Variants in MAGI2 observed in about 807,000 individuals in gnomAD.
MAGI2 encodes membrane associated guanylate kinase, WW and PDZ domain containing 2.
A neutral mutation model predicts 133.3 loss-of-function variants in MAGI2; 35 were observed. The ratio of observed to expected loss-of-function variants is 0.26; its 90% CI spans 0.20 to 0.35. The LOEUF (loss-of-function observed/expected upper bound fraction) is 0.35, where lower values mean the gene tolerates loss of function less well. Among genes scored for constraint, MAGI2 ranks in the 10% least tolerant of loss-of-function variants. The pLI, the probability that MAGI2 is intolerant of heterozygous loss-of-function variation, is 1.00. For synonymous variants in MAGI2, 729 were observed against 710.6 expected, an observed-to-expected ratio of 1.03 and a Z score of -0.41; for missense variants, 1,636 against 1,863.4, an observed-to-expected ratio of 0.88 and a Z score of 2.25.
At chr7:79,184,086 C>T (rs1826855237) in intron 1 of MAGI2, among the ~76,000 whole-genome samples, 1 of 151,582 alleles carries the variant, frequency 6.6e-6, no homozygotes, top group Non-Finnish European at 1.5e-5. Flanking sequence ...GCAAGGTAAC[C>T]ATTGTCAATA....
At chr7:79,122,570 C>T (rs1264252100) in intron 1 of MAGI2, among the ~76,000 whole-genome samples, 14 of 151,956 alleles carry the variant, frequency 9.2e-5, no homozygotes, top group Non-Finnish European at 1.9e-4. Context: ...TAAATGATTT[C>T]GTTATATCTG....
rs565984284 is a variant in MAGI2 at position 78,290,908 on chromosome 7, A to G, written c.1409-34327T>C. Among the ~76,000 whole-genome samples the G allele has an allele frequency of 6.6e-5, 10 of 152,344 alleles. No homozygotes were observed. The South Asian group carries it at 1.0e-3, about 16-fold the overall frequency. On this transcript the variant is annotated intron_variant, in intron 9 of 21. Coordinates refer to ENST00000354212, the MANE Select transcript of MAGI2 (RefSeq NM_012301.4). ...ACCAATGAGAACAAAGACACAACAT[A>G]CCAGAATCTCTGGGATACATTTAAA... is the stretch of plus-strand genomic sequence containing the variant.
chr7:78,854,412 GGAAAAATTTAGAATTTT>G (rs1793444216), intron 2 of MAGI2, among the ~76,000 whole-genome samples: 1 of 151,902 alleles, frequency 6.6e-6, no homozygotes, highest in Non-Finnish European at 1.5e-5. Flanking sequence ...TAATGAGTAA[GGAAAAATTTAGAATTTT>G]GTGTAAATGA....
At chr7:79,083,221 T>C (rs1187303553) in intron 1 of MAGI2, among the ~76,000 whole-genome samples, 1 of 151,526 alleles carries the variant, frequency 6.6e-6, no homozygotes, top group Non-Finnish European at 1.5e-5. Flanking sequence ...TAATGTAAAA[T>C]AGAAGTGGTA....
chr7:79,391,935 T>C (rs4260838), intron 1 of MAGI2, among the ~76,000 whole-genome samples: 85,893 of 151,780 alleles, frequency 0.57, 27,388 homozygotes, highest in African/African-American at 0.86. Context: ...CTGCCCGCCT[T>C]GGCCTCCTAA....
chr7:78,694,381 G>A (rs559962089), intron 2 of MAGI2, among the ~76,000 whole-genome samples: 16 of 152,184 alleles, frequency 1.1e-4, no homozygotes, highest in African/African-American at 2.9e-4. Context: ...CAGTAGCATC[G>A]CTCTCATGAG....
chr7:78,168,007 G>T lies in MAGI2; in HGVS notation c.2505C>A (p.Gly835=). Residue 835 remains glycine (G), a synonymous_variant, in exon 15 of 22, where the codon GGC becomes GGA. Coordinates refer to ENST00000354212, the MANE Select transcript of MAGI2 (RefSeq NM_012301.4). ...GGTCGATGACATAGCGGTGGGTTTT[G>T]CCGGCTACTGGAATCCCATCAACAT... ...LVYVDGIPVA[G]KTHRYVIDLM... 6.2e-7 allele frequency: 1 copy of T among 1,614,148 alleles called. No homozygotes were observed. The highest frequency in any genetic ancestry group is 8.5e-7 in the Non-Finnish European group (1 of 1,180,026).
chr7:78,668,940 T>C (rs924468327), intron 2 of MAGI2, among the ~76,000 whole-genome samples: 5 of 152,178 alleles, frequency 3.3e-5, no homozygotes, highest in South Asian at 2.1e-4. Flanking sequence ...GGGAAATTTA[T>C]AGCACTAAAT....
intron 2 of MAGI2, among the ~76,000 whole-genome samples, chr7:78,976,597 A>T (rs1327453539): frequency 6.6e-6 from 1 of 151,430 alleles, no homozygotes; most frequent in Non-Finnish European, 1.5e-5. Context: ...TGGAAGTTCT[A>T]TCTAGTGAAA....
In MAGI2 at chr7:78,496,697, C is replaced by T. The variant is rs144330521; in HGVS notation, c.965+4880G>A. Among the ~76,000 whole-genome samples the T allele has an allele frequency of 3.7e-4, 56 of 152,208 alleles. 1 individual carries two copies. The South Asian group carries it at 5.4e-3, about 15-fold the overall frequency. ...GGGAATGTTAATTTGTCCAAGGATG[C>T]CTCAAAGTCTCGTCTATGAAATGTG... On this transcript the variant is annotated intron_variant, in intron 5 of 21. Coordinates refer to ENST00000354212, the MANE Select transcript of MAGI2 (RefSeq NM_012301.4).
At chr7:78,624,960 G>C (rs1229566289) in intron 3 of MAGI2, among the ~76,000 whole-genome samples, 4 of 151,970 alleles carry the variant, frequency 2.6e-5, no homozygotes, top group Non-Finnish European at 5.9e-5. Flanking sequence ...CAGGTCCTTA[G>C]GAGGTATTCC....
In MAGI2 at chr7:78,501,563, T is replaced by C; in HGVS notation, c.965+14A>G. The C allele has an allele frequency of 1.2e-6, 2 of 1,610,784 alleles. No individual in the cohort carries two copies. The highest frequency in any genetic ancestry group is 1.7e-6 in the Non-Finnish European group (2 of 1,177,994). ...ACCTTTTTGGCACTGTTGAAAGAAA[T>C]GTGTGAAACTCACTCAATGAAGTAG... On this transcript the variant is annotated intron_variant, in intron 5 of 21. Transcript: ENST00000354212.
intron 1 of MAGI2, among the ~76,000 whole-genome samples, chr7:79,017,206 T>C (rs1157419622): frequency 1.3e-5 from 2 of 152,174 alleles, no homozygotes; most frequent in Non-Finnish European, 2.9e-5. Context: ...GCCAGCTGTC[T>C]GGAAACAATT....
At chr7:78,647,313 C>T (rs1347509530) in intron 2 of MAGI2, among the ~76,000 whole-genome samples, 1 of 152,064 alleles carries the variant, frequency 6.6e-6, no homozygotes, top group Non-Finnish European at 1.5e-5. Context: ...AAAAAAACAA[C>T]CCCATCAGAA....
chr7:78,856,248 T>C (rs1198075316), intron 2 of MAGI2, among the ~76,000 whole-genome samples: 1 of 152,234 alleles, frequency 6.6e-6, no homozygotes, highest in Admixed American at 6.5e-5. Context: ...AGAAGCTCTT[T>C]AGTTTAATTA....
chr7:78,632,936 G>T (rs1310137615), intron 2 of MAGI2, among the ~76,000 whole-genome samples: 1 of 152,084 alleles, frequency 6.6e-6, no homozygotes, highest in Non-Finnish European at 1.5e-5. Context: ...GTAAAGACAC[G>T]TGCACACGAA....
At chr7:79,235,639 G>C (rs1183186166) in intron 1 of MAGI2, among the ~76,000 whole-genome samples, 1 of 152,170 alleles carries the variant, frequency 6.6e-6, no homozygotes, top group African/African-American at 2.4e-5. Context: ...GCAATGCCTT[G>C]CCCTGCTTCG....
intron 2 of MAGI2, among the ~76,000 whole-genome samples, chr7:78,667,875 G>T (rs181164627): frequency 0.015 from 2,314 of 152,206 alleles, 68 homozygotes; most frequent in African/African-American, 0.053. Flanking sequence ...CTTCATAGCA[G>T]CATGATTTAT....
At chr7:78,803,375 A>G (rs1464113031) in intron 2 of MAGI2, among the ~76,000 whole-genome samples, 1 of 152,236 alleles carries the variant, frequency 6.6e-6, no homozygotes, top group African/African-American at 2.4e-5. Context: ...GGTGCTAGCA[A>G]ATATAATATT....
Sources: gnomAD v4.1 joint callset for allele counts (sites outside exome capture counted in the v4.1 genomes callset) on GRCh38, gnomAD v4.1.1 for gene constraint, MANE v1.5 for transcripts, NCBI Gene and HGNC (gene_info 2026-07-23, HGNC 2026-07-21) for gene names.